Variants in TMEM63C observed in about 807,000 individuals in gnomAD.
TMEM63C encodes osmosensitive cation channel TMEM63C.
A neutral mutation model predicts 99.2 loss-of-function variants in TMEM63C; 32 were observed. The observed-to-expected ratio is 0.32, with a 90% CI of 0.24 to 0.43. The LOEUF is 0.43. Ranked by LOEUF, TMEM63C falls within the 20% of genes least tolerant of loss-of-function variation. TMEM63C has a pLI of 1.00. For missense variants in TMEM63C, 826 were observed against 1,053.0 expected (o/e 0.78, Z 2.98); for synonymous variants, 376 against 397.9 (o/e 0.94, Z 0.66).
At chr14:77,229,289 T>C (rs1365274014) in intron 6 of TMEM63C, among the ~76,000 whole-genome samples, 1 of 151,858 alleles carries the variant, frequency 6.6e-6, no homozygotes, top group Non-Finnish European at 1.5e-5. Context: ...CCCAGCTATT[T>C]GGGAGGCTGA....
At chr14:77,209,989 C>G (rs1888467609) in intron 1 of TMEM63C, among the ~76,000 whole-genome samples, 1 of 152,066 alleles carries the variant, frequency 6.6e-6, no homozygotes, top group African/African-American at 2.4e-5. Flanking sequence ...AATATAAGGA[C>G]CAGCCTCACG....
chr14:77,219,380 T>G, intron 3 of TMEM63C, 118 bp from the exon 4 acceptor site: 1 of 988,186 alleles, frequency 1.0e-6, no homozygotes, highest in Admixed American at 1.9e-5. Context: ...CACCTTCTAG[T>G]GGAGGAGCTC....
At chr14:77,186,726 C>T (rs773129393) in intron 1 of TMEM63C, among the ~76,000 whole-genome samples, 14 of 151,476 alleles carry the variant, frequency 9.2e-5, no homozygotes, top group Non-Finnish European at 1.9e-4. Flanking sequence ...AAAAAGGCTT[C>T]TCACATCCCT....
At chr14:77,246,701 G>A (rs1175951998) in intron 18 of TMEM63C, 27 bp downstream of exon 18, 1 of 1,593,468 alleles carries the variant, frequency 6.3e-7, no homozygotes, top group African/African-American at 1.3e-5. Flanking sequence ...GTCCACCAGG[G>A]CTGCTGTGTG....
At position 77,243,000 on chromosome 14, in the gene TMEM63C, A is replaced by G; in HGVS notation, c.1285A>G (p.Ile429Val). The part of the protein sequence containing the change: ...FLFFFLTTPA[I>V]IMNTIDMYNV... ...CTTCTTCTTTCTCACCACGCCTGCCATCATCATGAACACTATCGACATGTA... is the reference window on the plus strand; with the variant it reads ...CTTCTTCTTTCTCACCACGCCTGCCGTCATCATGAACACTATCGACATGTA... The change falls in exon 15 of 24, where the codon ATC becomes GTC. Residue 429 changes from isoleucine (I) to valine (V), a missense_variant. Coordinates refer to ENST00000298351, the MANE Select transcript of TMEM63C (RefSeq NM_020431.4). 1 of 1,613,942 alleles carries G rather than the reference A, an allele frequency of 6.2e-7. No individual in the cohort carries two copies. The highest frequency in any genetic ancestry group is 8.5e-7 in the Non-Finnish European group (1 of 1,179,886).
chr14:77,203,389 A>C (rs1232001577), intron 1 of TMEM63C, among the ~76,000 whole-genome samples: 1 of 151,884 alleles, frequency 6.6e-6, no homozygotes, highest in Non-Finnish European at 1.5e-5. Flanking sequence ...CTTGAAAAAA[A>C]AAAAAAAAAA....
At chr14:77,215,636 A>AAAAAGAAACT (rs1471605693) in intron 2 of TMEM63C, among the ~76,000 whole-genome samples, 1 of 151,560 alleles carries the variant, frequency 6.6e-6, no homozygotes, top group African/African-American at 2.4e-5. Flanking sequence ...AAAGAAAAAG[A>AAAAAGAAACT]AACTAGAAGC....
chr14:77,202,003 T>C (rs2140097638), intron 1 of TMEM63C, among the ~76,000 whole-genome samples: 1 of 152,274 alleles, frequency 6.6e-6, no homozygotes, highest in East Asian at 1.9e-4. Context: ...CTTGAGTCCA[T>C]TCCATCCCCA....
intron 1 of TMEM63C, among the ~76,000 whole-genome samples, chr14:77,206,888 TTTA>T (rs1310285842): frequency 2.8e-5 from 4 of 143,048 alleles, no homozygotes; most frequent in Admixed American, 1.3e-4. Flanking sequence ...GTTTTTTTCT[TTTA>T]TTTTTTTTTA....
At chr14:77,203,573 C>T (rs1452487945) in intron 1 of TMEM63C, among the ~76,000 whole-genome samples, 1 of 152,178 alleles carries the variant, frequency 6.6e-6, no homozygotes, top group Admixed American at 6.5e-5. Flanking sequence ...TGGCCATGCA[C>T]CCATTGTTCT....
chr14:77,213,156 T>C (rs567098717), intron 1 of TMEM63C, among the ~76,000 whole-genome samples: 13 of 152,328 alleles, frequency 8.5e-5, no homozygotes, highest in Admixed American at 2.6e-4. Flanking sequence ...CGGGTGCCTC[T>C]GCCCACGCTT....
At chr14:77,225,594 C>G (rs1460845550) in intron 6 of TMEM63C, 133 bp downstream of exon 6, 1 of 841,380 alleles carries the variant, frequency 1.2e-6, no homozygotes, top group Non-Finnish European at 1.8e-6. Flanking sequence ...CCACCTCGGC[C>G]CATTACCAGT....
Position 77,248,763 on chromosome 14 carries a change from C to T in TMEM63C, c.1765-4C>T. On this transcript the variant is annotated splice_region_variant and splice_polypyrimidine_tract_variant and intron_variant, in intron 19 of 23. Coordinates refer to ENST00000298351, the MANE Select transcript of TMEM63C (RefSeq NM_020431.4). Reference sequence around the variant, plus strand: ...CTCAGGGTGACACCTGCCTTCTGCCCCAGAACCAGGCCATAGACTTCCAGT... The same window carrying T: ...CTCAGGGTGACACCTGCCTTCTGCCTCAGAACCAGGCCATAGACTTCCAGT... 1 of 1,613,902 alleles carries T rather than the reference C, an allele frequency of 6.2e-7. No homozygotes were observed. The highest frequency in any genetic ancestry group is 8.5e-7 in the Non-Finnish European group (1 of 1,179,786).
At chr14:77,195,374 C>T (rs577455522) in intron 1 of TMEM63C, among the ~76,000 whole-genome samples, 5 of 152,260 alleles carry the variant, frequency 3.3e-5, no homozygotes, top group African/African-American at 9.6e-5. Flanking sequence ...AGGAAAGGGA[C>T]CGATGATCCC....
intron 20 of TMEM63C, 125 bp from the exon 21 acceptor site, chr14:77,249,166 C>T (rs1182697990): frequency 1.9e-6 from 2 of 1,043,774 alleles, no homozygotes; most frequent in Non-Finnish European, 2.9e-6. Flanking sequence ...GCTCCCCCAA[C>T]CCATCCTTGG....
chr14:77,214,759 C>T (rs763255021), intron 2 of TMEM63C, among the ~76,000 whole-genome samples: 2 of 151,978 alleles, frequency 1.3e-5, no homozygotes, highest in East Asian at 1.9e-4. Context: ...CTCAGCCGCT[C>T]GCTCCCACGG....
chr14:77,256,534 G>A lies in TMEM63C; in HGVS notation c.2229G>A (p.Val743=). 6.2e-7 allele frequency: 1 copy of A among 1,613,910 alleles called. No homozygotes were observed. Among genetic ancestry groups the A allele is most frequent in the Non-Finnish European group, 8.5e-7 (1 of 1,179,854 alleles). ...GTCTCTATCCCAAGCAGCTGTATGT[G>A]GCCACCGTGCTGCAAGAACCGGAGT... ...TSSTPTSLLY[V]ATVLQEPELN... Residue 743 remains valine (V), a synonymous_variant, in exon 24 of 24, where the codon GTG becomes GTA. Coordinates refer to ENST00000298351, the MANE Select transcript of TMEM63C (RefSeq NM_020431.4).
In TMEM63C at chr14:77,215,710, G is replaced by A. The variant is rs1229950789; in HGVS notation, c.-14+2202G>A. Among the ~76,000 whole-genome samples, 12 of 152,114 alleles carry A rather than the reference G, an allele frequency of 7.9e-5. No individual in the cohort carries two copies. The East Asian group carries it at 2.1e-3, about 27-fold the overall frequency. ...CTGGGACCAGCCAGCACCTGAGCATGTGTGCTGCCTTCCCTCCCACTCACC... is the reference window on the plus strand; with the variant it reads ...CTGGGACCAGCCAGCACCTGAGCATATGTGCTGCCTTCCCTCCCACTCACC... On this transcript the variant is annotated intron_variant, in intron 2 of 23. Transcript: ENST00000298351.
chr14:77,246,195 C>T (rs547105855), intron 17 of TMEM63C, among the ~76,000 whole-genome samples, 169 bp downstream of exon 17: 4 of 152,318 alleles, frequency 2.6e-5, no homozygotes, highest in Admixed American at 2.0e-4. Flanking sequence ...CAGACACTAA[C>T]GTGTCAGCCG....
Sources: allele counts gnomAD v4.1 joint callset (sites outside exome capture counted in the v4.1 genomes callset), GRCh38; gene constraint gnomAD v4.1.1; transcripts MANE v1.5; gene names NCBI Gene and HGNC (gene_info 2026-07-23, HGNC 2026-07-21).